Variants in CACNA1B observed in about 807,000 individuals in gnomAD.
The protein encoded by CACNA1B is voltage-dependent N-type calcium channel subunit alpha-1B.
CACNA1B carries 70 observed loss-of-function variants against 247.2 expected under a neutral mutation model. The ratio of observed to expected loss-of-function variants is 0.28; its 90% CI spans 0.23 to 0.35. The LOEUF (loss-of-function observed/expected upper bound fraction) is 0.35, where lower values mean the gene tolerates loss of function less well. Among genes scored for constraint, CACNA1B ranks in the 10% least tolerant of loss-of-function variants. The pLI is 1.00. For missense variants in CACNA1B, 2,367 were observed against 3,197.4 expected (o/e 0.74, Z 6.26); for synonymous variants, 1,231 against 1,294.4 (o/e 0.95, Z 1.05).
intron 21 of CACNA1B, among the ~76,000 whole-genome samples, chr9:138,044,230 TG>T (rs1450269648): frequency 2.6e-5 from 4 of 152,242 alleles, no homozygotes; most frequent in Non-Finnish European, 5.9e-5. Flanking sequence ...CCATCACACC[TG>T]GCACCTGTGT....
chr9:138,084,581 C>G (rs1197535923), intron 36 of CACNA1B, among the ~76,000 whole-genome samples: 15 of 151,330 alleles, frequency 9.9e-5, no homozygotes, highest in Admixed American at 9.8e-4. Context: ...TAAAACCCAA[C>G]TGTACTGTAC....
chr9:138,060,823 C>T (rs149989563), intron 31 of CACNA1B, among the ~76,000 whole-genome samples: 6 of 152,298 alleles, frequency 3.9e-5, no homozygotes, highest in Non-Finnish European at 7.3e-5. Context: ...AGCGGAGCTC[C>T]GTCTGCTGTG....
At chr9:137,903,425 G>T (rs1249882030) in intron 3 of CACNA1B, among the ~76,000 whole-genome samples, 1 of 152,098 alleles carries the variant, frequency 6.6e-6, no homozygotes, top group East Asian at 1.9e-4. Flanking sequence ...ACTTGGTCGT[G>T]CTCTGCTTCG....
chr9:137,962,094 T>C (rs1380215807), intron 10 of CACNA1B, among the ~76,000 whole-genome samples: 6 of 152,196 alleles, frequency 3.9e-5, no homozygotes, highest in Non-Finnish European at 7.3e-5. Flanking sequence ...AATTTATTCC[T>C]GGTTCAATCT....
chr9:138,027,081 A>T (rs1173011807), intron 20 of CACNA1B, among the ~76,000 whole-genome samples: 1 of 152,282 alleles, frequency 6.6e-6, no homozygotes, highest in African/African-American at 2.4e-5. Flanking sequence ...TGAGATTCCT[A>T]TTCAAATCTT....
At chr9:137,949,930 A>G (rs1390600710) in intron 6 of CACNA1B, among the ~76,000 whole-genome samples, 1 of 152,180 alleles carries the variant, frequency 6.6e-6, no homozygotes, top group Non-Finnish European at 1.5e-5. Context: ...AACATTAACC[A>G]TCACAGCATC....
intron 10 of CACNA1B, among the ~76,000 whole-genome samples, chr9:137,965,149 A>T (rs1958060096): frequency 6.6e-6 from 1 of 152,210 alleles, no homozygotes; most frequent in African/African-American, 2.4e-5. Flanking sequence ...CCCAGTTGGG[A>T]GGTCTTACCC....
chr9:137,878,232 G>A lies in CACNA1B; in HGVS notation c.284+15G>A. ...ACCGAGTGGCCATATCCTGCCGGGCGGGGCCGGGCGGGGCCGGGCGGGGAC... is the reference window on the plus strand; with the variant it reads ...ACCGAGTGGCCATATCCTGCCGGGCAGGGCCGGGCGGGGCCGGGCGGGGAC... On this transcript the variant is annotated intron_variant, in intron 1 of 46. Transcript: ENST00000371372. 8.5e-7 allele frequency: 1 copy of A among 1,174,230 alleles called. No homozygotes were observed. Among genetic ancestry groups the A allele is most frequent in the Non-Finnish European group, 1.1e-6 (1 of 926,434 alleles). The allele number at this position is 1,174,230 out of a possible 1,614,324, so 72.7% of individuals were successfully genotyped here.
chr9:138,049,138 A>T, intron 23 of CACNA1B, 71 bp from the exon 24 acceptor site: 2 of 1,009,910 alleles, frequency 2.0e-6, no homozygotes, highest in Non-Finnish European at 3.2e-6. Flanking sequence ...TACAGGCATG[A>T]GCCTCTGCAC....
rs900979795 is a variant in CACNA1B at position 138,002,134 on chromosome 9, A to G, written c.1975-4633A>G. Among the ~76,000 whole-genome samples the G allele has an allele frequency of 6.6e-5, 10 of 152,230 alleles. No homozygotes were observed. The South Asian group carries it at 1.9e-3, about 28-fold the overall frequency. On this transcript the variant is annotated intron_variant, in intron 15 of 46. Coordinates refer to ENST00000371372, the MANE Select transcript of CACNA1B (RefSeq NM_000718.4). ...ATATATCATGACTTTTTATAAAGCT[A>G]TGGTAATGAAAATAGTGTGGTATAT...
intron 21 of CACNA1B, 74 bp downstream of exon 21, chr9:138,043,974 C>T: frequency 6.5e-7 from 1 of 1,534,196 alleles, no homozygotes; most frequent in South Asian, 1.2e-5. Context: ...ATCTCAGTAG[C>T]CAGCGTGCAC....
chr9:137,901,410 C>T (rs183650085), intron 3 of CACNA1B, among the ~76,000 whole-genome samples: 12 of 152,268 alleles, frequency 7.9e-5, no homozygotes, highest in African/African-American at 9.6e-5. Context: ...CAACCTCCAC[C>T]GCCCTCCCGG....
intron 6 of CACNA1B, among the ~76,000 whole-genome samples, chr9:137,935,181 G>A (rs1220535405): frequency 1.3e-5 from 2 of 152,060 alleles, no homozygotes; most frequent in Non-Finnish European, 2.9e-5. Context: ...TATACCTGTG[G>A]CATGTTGGTT....
chr9:137,941,018 C>T (rs1219739247), intron 6 of CACNA1B, among the ~76,000 whole-genome samples: 2 of 152,156 alleles, frequency 1.3e-5, no homozygotes, highest in East Asian at 1.9e-4. Flanking sequence ...CAAGGATGCT[C>T]ACTCTCACCA....
chr9:137,979,981 GATTCATTGTT>G (rs1958275387), intron 12 of CACNA1B, among the ~76,000 whole-genome samples: 1 of 152,170 alleles, frequency 6.6e-6, no homozygotes, highest in African/African-American at 2.4e-5. Context: ...GAAAGTCTGG[GATTCATTGTT>G]ACAGACAGGA....
intron 15 of CACNA1B, among the ~76,000 whole-genome samples, chr9:138,001,279 A>G (rs576289918): frequency 3.5e-5 from 3 of 86,728 alleles, no homozygotes; most frequent in Non-Finnish European, 6.1e-5. Flanking sequence ...ACAGGAGTTT[A>G]AAAAAATCTG....
At chr9:137,949,518 G>A (rs1183904742) in intron 6 of CACNA1B, among the ~76,000 whole-genome samples, 3 of 151,560 alleles carry the variant, frequency 2.0e-5, no homozygotes, top group Non-Finnish European at 1.5e-5. Context: ...ATGTGTGTCT[G>A]TGTGTGATGT....
At chr9:137,923,381 CACCAGG>C in intron 6 of CACNA1B, among the ~76,000 whole-genome samples, 1 of 100,960 alleles carries the variant, frequency 9.9e-6, no homozygotes, top group Non-Finnish European at 2.0e-5. Context: ...TATTCCGTGG[CACCAGG>C]TGGTATTCCG....
rs1048630878 is a variant in CACNA1B, at chr9:137,980,389, A to G, written c.1657-3749A>G. On this transcript the variant is annotated intron_variant, in intron 12 of 46. Coordinates refer to ENST00000371372, the MANE Select transcript of CACNA1B (RefSeq NM_000718.4). ...TGTGAGGCACCCTCAATCTCTTTGA[A>G]GAGCCTGAAAGTGTGGCTGAGTAGT... Among the ~76,000 whole-genome samples the G allele has an allele frequency of 2.6e-5, 4 of 152,198 alleles. No homozygotes were observed. The East Asian group carries it at 5.8e-4, about 22-fold the overall frequency.
Sources: allele counts gnomAD v4.1 joint callset (sites outside exome capture counted in the v4.1 genomes callset), GRCh38; gene constraint gnomAD v4.1.1; transcripts MANE v1.5; gene names NCBI Gene and HGNC (gene_info 2026-07-23, HGNC 2026-07-21).